ZNRF1: variants seen among roughly 807,000 people sequenced by gnomAD.
The protein encoded by ZNRF1 is E3 ubiquitin-protein ligase ZNRF1.
A neutral mutation model predicts 18.4 loss-of-function variants in ZNRF1; 3 were observed. That is an observed-to-expected ratio of 0.16 (90% confidence interval 0.07 to 0.42). The LOEUF (loss-of-function observed/expected upper bound fraction) is 0.42. ZNRF1 is among the 10% of genes least tolerant of loss of function. ZNRF1 has a pLI of 0.99. For synonymous variants in ZNRF1, 157 were observed against 144.2 expected (o/e 1.09, Z -0.64); for missense variants, 310 against 329.8 (o/e 0.94, Z 0.47).
At chr16:75,012,982 G>A (rs889834199) in intron 1 of ZNRF1, among the ~76,000 whole-genome samples, 44 of 152,188 alleles carry the variant, frequency 2.9e-4, no homozygotes, top group African/African-American at 1.1e-3. Context: ...GCACAGGCAT[G>A]GAACCAGGAG....
intron 1 of ZNRF1, among the ~76,000 whole-genome samples, chr16:75,067,314 A>G (rs1463733403): frequency 6.6e-6 from 1 of 152,204 alleles, no homozygotes; most frequent in East Asian, 1.9e-4. Flanking sequence ...TGGTTGAGGC[A>G]GGTGGGAAGG....
intron 1 of ZNRF1, among the ~76,000 whole-genome samples, chr16:75,001,098 T>C (rs1323925467): frequency 2.6e-5 from 4 of 152,312 alleles, no homozygotes; most frequent in Admixed American, 2.0e-4. Flanking sequence ...TATTTGCTAA[T>C]TGGCAAGTTG....
At chr16:75,060,303 T>G (rs2035725788) in intron 1 of ZNRF1, among the ~76,000 whole-genome samples, 1 of 151,984 alleles carries the variant, frequency 6.6e-6, no homozygotes, top group South Asian at 2.1e-4. Context: ...CCGCCCATCT[T>G]GCCTCCCAAA....
rs2036345142 is a variant in ZNRF1 at position 75,108,651 on chromosome 16, A to G, written c.*951A>G. 3 of 398,882 alleles carry G rather than the reference A, an allele frequency of 7.5e-6. 1 individual carries two copies. Among genetic ancestry groups the G allele is most frequent in the East Asian group, 7.1e-5 (2 of 28,052 alleles). The allele number at this position is 398,882 out of a possible 1,614,324, so 24.7% of individuals were successfully genotyped here. A position where few individuals can be genotyped will look rare whatever the true frequency, so the allele number is the denominator to read the frequency against. On this transcript the variant is annotated 3_prime_UTR_variant, in exon 5 of 5. Coordinates refer to ENST00000335325, the MANE Select transcript of ZNRF1 (RefSeq NM_032268.5). ...TAAAAAAATGTTCAAAGCTTGGGAG[A>G]AAAGCTTTCTTCATTAGTCAAGGTG...
At chr16:75,000,510 AGT>A in intron 1 of ZNRF1, 1 of 334,114 alleles carries the variant, frequency 3.0e-6, no homozygotes, top group Non-Finnish European at 5.9e-6. Flanking sequence ...TCCTAAACAG[AGT>A]GTGTGAAAAT....
At chr16:75,008,017 T>C (rs1007741920) in intron 1 of ZNRF1, among the ~76,000 whole-genome samples, 1 of 152,100 alleles carries the variant, frequency 6.6e-6, no homozygotes, top group African/African-American at 2.4e-5. Context: ...GATGCTATGC[T>C]ACCATGACCA....
rs947174888 is a variant in ZNRF1 at position 75,108,363 on chromosome 16, T to TGG, written c.*664_*665dup. On this transcript the variant is annotated 3_prime_UTR_variant, in exon 5 of 5. Transcript: ENST00000335325. ...CCATCTCTTTTCCCTTCTTTCCTCC[T>TGG]GGTTCCGGTCAGTTCAGAGGATTTA... is the stretch of plus-strand genomic sequence containing the variant. The TGG allele has an allele frequency of 5.2e-6, 2 of 386,780 alleles. No individual in the cohort carries two copies. The highest frequency in any genetic ancestry group is 9.1e-6 in the Non-Finnish European group (2 of 219,974). 24.0% of individuals were successfully genotyped at this position (386,780 alleles called of 1,614,324 possible).
intron 1 of ZNRF1, among the ~76,000 whole-genome samples, chr16:75,076,060 A>T (rs1400494677): frequency 1.3e-5 from 2 of 152,358 alleles, no homozygotes; most frequent in African/African-American, 4.8e-5. Flanking sequence ...GCCATAGCAA[A>T]TATCAAACAA....
At chr16:75,032,840 C>A (rs2035323752) in intron 1 of ZNRF1, among the ~76,000 whole-genome samples, 1 of 152,098 alleles carries the variant, frequency 6.6e-6, no homozygotes, top group East Asian at 1.9e-4. Context: ...CACAGCAAGA[C>A]CCTGTCTCTA....
At chr16:75,045,620 C>T (rs1042237541) in intron 1 of ZNRF1, among the ~76,000 whole-genome samples, 2 of 151,926 alleles carry the variant, frequency 1.3e-5, no homozygotes, top group Non-Finnish European at 1.5e-5. Context: ...CCCAGGCTGG[C>T]CTCCTGCCAT....
At chr16:75,069,651 A>T (rs1240360108) in intron 1 of ZNRF1, among the ~76,000 whole-genome samples, 1 of 152,104 alleles carries the variant, frequency 6.6e-6, no homozygotes, top group Non-Finnish European at 1.5e-5. Context: ...TGACCTCGTG[A>T]TCCACCCGCC....
rs1015597743 is a variant in ZNRF1 at position 75,050,086 on chromosome 16, G to T, written c.425-43486G>T. 2.0e-5 allele frequency among the ~76,000 whole-genome samples: 3 copies of T among 152,100 alleles called. No individual in the cohort carries two copies. In the East Asian group the frequency reaches 5.8e-4, roughly 29 times the overall value. ...AATGCTATATAAATGGAATCATAGG[G>T]CATGTAATCCTTGGGATTGGCTTTC... On this transcript the variant is annotated intron_variant, in intron 1 of 4. Coordinates refer to ENST00000335325, the MANE Select transcript of ZNRF1 (RefSeq NM_032268.5).
At chr16:75,067,557 T>A (rs1226689173) in intron 1 of ZNRF1, among the ~76,000 whole-genome samples, 1 of 152,190 alleles carries the variant, frequency 6.6e-6, no homozygotes, top group African/African-American at 2.4e-5. Context: ...AAGGGAACTT[T>A]TAAGCTTCTA....
At chr16:75,056,912 C>T (rs1162397734) in intron 1 of ZNRF1, among the ~76,000 whole-genome samples, 1 of 152,164 alleles carries the variant, frequency 6.6e-6, no homozygotes, top group African/African-American at 2.4e-5. Context: ...GCTGGGATTA[C>T]AGGCCTGAGC....
chr16:75,066,114 A>G (rs2035800312), intron 1 of ZNRF1, among the ~76,000 whole-genome samples: 1 of 152,206 alleles, frequency 6.6e-6, no homozygotes, highest in South Asian at 2.1e-4. Flanking sequence ...GGGTAGAGAC[A>G]AGAGTTTGGA....
chr16:75,106,985 G>C (rs550916070), intron 4 of ZNRF1: 1 of 193,314 alleles, frequency 5.2e-6, no homozygotes, highest in African/African-American at 2.3e-5. Flanking sequence ...CTCACTCCCT[G>C]TTGCCATAAG....
At chr16:75,102,580 C>T (rs988060866) in intron 2 of ZNRF1, among the ~76,000 whole-genome samples, 1 of 152,206 alleles carries the variant, frequency 6.6e-6, no homozygotes, top group Non-Finnish European at 1.5e-5. Flanking sequence ...TTCACGTCGC[C>T]TCTTTTCACC....
At position 75,063,975 on chromosome 16, in the gene ZNRF1, C is replaced by T. The variant is rs1864021055; in HGVS notation, c.425-29597C>T. On this transcript the variant is annotated intron_variant, in intron 1 of 4. Transcript: ENST00000335325. The stretch of plus-strand genomic sequence containing the variant: ...GGATTTTTGTTAAAATACGGGGCTC[C>T]ATTCTTGATATTTCTTTTCTTTTTA... Among the ~76,000 whole-genome samples, 4 of 152,316 alleles carry T rather than the reference C, an allele frequency of 2.6e-5. No individual in the cohort carries two copies. In the South Asian group the frequency reaches 8.3e-4, roughly 32 times the overall value.
rs1179992645 is a variant in ZNRF1, at chr16:75,110,363, G to A, written c.*2663G>A. 4 of 152,280 alleles carry A rather than the reference G, an allele frequency of 2.6e-5. No homozygotes were observed. Among genetic ancestry groups the A allele is most frequent in the African/African-American group, 9.7e-5 (4 of 41,438 alleles). The allele number at this position is 152,280 out of a possible 1,614,324, so 9.4% of individuals were successfully genotyped here. Reference sequence around the variant, plus strand: ...TGGGAGAGAAGGTGAGGGAGCCGGCGAGCAGGTTCTACCCTCTCTGCTAAG... The same window carrying A: ...TGGGAGAGAAGGTGAGGGAGCCGGCAAGCAGGTTCTACCCTCTCTGCTAAG... On this transcript the variant is annotated 3_prime_UTR_variant, in exon 5 of 5. Transcript: ENST00000335325.
Sources: allele counts gnomAD v4.1 joint callset (sites outside exome capture counted in the v4.1 genomes callset), GRCh38; gene constraint gnomAD v4.1.1; transcripts MANE v1.5; gene names NCBI Gene and HGNC (gene_info 2026-07-23, HGNC 2026-07-21).